NECTIN1: variants seen among roughly 807,000 people sequenced by gnomAD.
The protein encoded by NECTIN1 is nectin-1.
Under a neutral mutation model 48.0 loss-of-function variants are expected in NECTIN1, and 23 were observed. The observed-to-expected ratio is 0.48, with a 90% confidence interval of 0.34 to 0.68. The LOEUF is 0.68. Among genes scored for constraint, NECTIN1 ranks in the 30% least tolerant of loss-of-function variants. The pLI is 0.01. For synonymous variants in NECTIN1, 270 were observed against 288.9 expected (o/e 0.93, Z 0.66); for missense variants, 591 against 709.9 (o/e 0.83, Z 1.90).
At chr11:119,666,725 G>A (rs1864777002) in intron 5 of NECTIN1, among the ~76,000 whole-genome samples, 1 of 152,236 alleles carries the variant, frequency 6.6e-6, no homozygotes, top group Non-Finnish European at 1.5e-5. Context: ...ACTGCTGCCA[G>A]CTCACTCTCT....
chr11:119,670,239 T>C (rs986124163), intron 5 of NECTIN1, among the ~76,000 whole-genome samples: 4 of 152,098 alleles, frequency 2.6e-5, no homozygotes, highest in African/African-American at 9.7e-5. Flanking sequence ...GGATTACAGG[T>C]GTGAGCCACC....
In NECTIN1 at chr11:119,727,441, AC is replaced by A. The variant is rs1167754818; in HGVS notation, c.79+1033del. Among the ~76,000 whole-genome samples, 1 of 151,764 alleles carries A rather than the reference AC, an allele frequency of 6.6e-6. No homozygotes were observed. Among genetic ancestry groups the A allele is most frequent in the Non-Finnish European group, 1.5e-5 (1 of 67,946 alleles). ...GAGCTGCAGGTCGTCTCTGGTTTCT[AC>A]CCAGAGAGCTGGAGGAACTCCCCAC... On this transcript the variant is annotated intron_variant, in intron 1 of 5. Coordinates refer to ENST00000264025, the MANE Select transcript of NECTIN1 (RefSeq NM_002855.5). This position sits in a 1 kb window ranked among gnomAD's most constrained non-coding sequence, Gnocchi z 4.1.
At chr11:119,655,543 C>T (rs566558005) in intron 5 of NECTIN1, among the ~76,000 whole-genome samples, 4 of 152,224 alleles carry the variant, frequency 2.6e-5, no homozygotes, top group East Asian at 3.9e-4. Context: ...CAGGTTTGCC[C>T]GACTCTGAAG....
intron 5 of NECTIN1, among the ~76,000 whole-genome samples, chr11:119,666,527 A>C (rs533014267): frequency 4.6e-5 from 7 of 152,370 alleles, no homozygotes; most frequent in African/African-American, 1.4e-4. Flanking sequence ...AGAGGCCCTA[A>C]GGTGAGGCTA....
In NECTIN1 at chr11:119,663,722, C is replaced by G; in HGVS notation, c.*1025G>C. Reference sequence around the variant, plus strand: ...AAGTGTTGCTAGATAAGGGAGAAATCAGAGAAACCTCCACGCTGTAAGAAG... The same window carrying G: ...AAGTGTTGCTAGATAAGGGAGAAATGAGAGAAACCTCCACGCTGTAAGAAG... On this transcript the variant is annotated 3_prime_UTR_variant, in exon 6 of 6. Coordinates refer to ENST00000264025, the MANE Select transcript of NECTIN1 (RefSeq NM_002855.5). 1 of 985,498 alleles carries G rather than the reference C, an allele frequency of 1.0e-6. No homozygotes were observed. Among genetic ancestry groups the G allele is most frequent in the Non-Finnish European group, 1.2e-6 (1 of 829,954 alleles). The allele number at this position is 985,498 out of a possible 1,614,324, so 61.0% of individuals were successfully genotyped here.
intron 5 of NECTIN1, chr11:119,640,186 T>TGGA: frequency 1.5e-6 from 1 of 687,550 alleles, no homozygotes. Flanking sequence ...CGGTGTGGGA[T>TGGA]GGAGGCTCCT....
chr11:119,638,691 C>T (rs767466739), intron 7 of NECTIN1: 10 of 1,571,128 alleles, frequency 6.4e-6, no homozygotes, highest in Admixed American at 3.4e-5. Context: ...TCTCCCTCCC[C>T]GCAGTCCAGG....
At chr11:119,685,365 G>C (rs1279923783) in intron 1 of NECTIN1, among the ~76,000 whole-genome samples, 1 of 152,258 alleles carries the variant, frequency 6.6e-6, no homozygotes, top group Non-Finnish European at 1.5e-5. Flanking sequence ...CACAGTGCGT[G>C]GGAGAGGAGG....
In NECTIN1 at chr11:119,707,109, G is replaced by A. The variant is rs193230150; in HGVS notation, c.79+21366C>T. Reference sequence around the variant, plus strand: ...CTGCTGGCTTGGGTGGACAGGGAAAGGCCGTTTCATCCTTAAGTGACCCTT... The same window carrying A: ...CTGCTGGCTTGGGTGGACAGGGAAAAGCCGTTTCATCCTTAAGTGACCCTT... On this transcript the variant is annotated intron_variant, in intron 1 of 5. Transcript: ENST00000264025. Among the ~76,000 whole-genome samples, 1,419 of 152,262 alleles carry A rather than the reference G, an allele frequency of 9.3e-3. 16 individuals are homozygous for A. The highest frequency in any genetic ancestry group is 0.014 in the Middle Eastern group (4 of 294).
rs1864658566 is a variant in NECTIN1 at position 119,661,272 on chromosome 11, A to G, written c.*3475T>C. The G allele has an allele frequency of 2.7e-5, 27 of 985,776 alleles. No individual in the cohort carries two copies. Among genetic ancestry groups the G allele is most frequent in the Non-Finnish European group, 3.3e-5 (27 of 829,954 alleles). The allele number at this position is 985,776 out of a possible 1,614,324, so 61.1% of individuals were successfully genotyped here. On this transcript the variant is annotated 3_prime_UTR_variant, in exon 6 of 6. Transcript: ENST00000264025. ...ACCAATTTTTTCGACCAAGAATCCC[A>G]TTCCTCACAGCAGGGGTCAGAAGAG...
At position 119,683,223 on chromosome 11, in the gene NECTIN1, G is replaced by A. The variant is rs969661715; in HGVS notation, c.80-4458C>T. On this transcript the variant is annotated intron_variant, in intron 1 of 5. Coordinates refer to ENST00000264025, the MANE Select transcript of NECTIN1 (RefSeq NM_002855.5). The surrounding 1 kb of genome is among the most constrained non-coding windows in gnomAD (Gnocchi z 4.0). ...TACATGAGAAGCAGAGGCTGGCCCA[G>A]ATGTGGGAACTGGGACCACTAAAAT... Among the ~76,000 whole-genome samples the A allele has an allele frequency of 1.3e-5, 2 of 152,212 alleles. No homozygotes were observed. The highest frequency in any genetic ancestry group is 2.4e-5 in the African/African-American group (1 of 41,448).
At chr11:119,642,436 A>G (rs970070027) in intron 5 of NECTIN1, 3 of 153,016 alleles carry the variant, frequency 2.0e-5, no homozygotes, top group Non-Finnish European at 4.4e-5. Flanking sequence ...TTGGCCCCAC[A>G]TGGAATCCGA....
In NECTIN1 at chr11:119,723,275, A is replaced by T. The variant is rs566332838; in HGVS notation, c.79+5200T>A. The stretch of plus-strand genomic sequence containing the variant: ...TGAGGCCTGTAAAGTGACTTGACCA[A>T]GGTCACTCAGCTAGTAATTGGTAGA... On this transcript the variant is annotated intron_variant, in intron 1 of 5. Coordinates refer to ENST00000264025, the MANE Select transcript of NECTIN1 (RefSeq NM_002855.5). Among the ~76,000 whole-genome samples the T allele has an allele frequency of 9.2e-5, 14 of 151,948 alleles. No homozygotes were observed. In the South Asian group the frequency reaches 2.9e-3, roughly 32 times the overall value.
At chr11:119,652,039 T>A (rs1035171989) in intron 5 of NECTIN1, among the ~76,000 whole-genome samples, 53 of 152,062 alleles carry the variant, frequency 3.5e-4, no homozygotes, top group Admixed American at 3.1e-3. Flanking sequence ...GCCAGCATAT[T>A]ACCTCCCTCC....
At chr11:119,698,617 G>A (rs1387362477) in intron 1 of NECTIN1, among the ~76,000 whole-genome samples, 1 of 152,198 alleles carries the variant, frequency 6.6e-6, no homozygotes, top group East Asian at 1.9e-4. Context: ...CAGACCTGGG[G>A]CTGGGCTCTT....
intron 6 of NECTIN1, among the ~76,000 whole-genome samples, chr11:119,639,132 G>A (rs1218758308): frequency 1.3e-5 from 2 of 152,192 alleles, no homozygotes; most frequent in African/African-American, 2.4e-5. Context: ...CCCTCACCCA[G>A]GGCGGGCATG....
At position 119,677,127 on chromosome 11, in the gene NECTIN1, G is replaced by A. The variant is rs1864965724; in HGVS notation, c.826C>T (p.Pro276Ser). 1.2e-6 allele frequency: 2 copies of A among 1,614,118 alleles called. No homozygotes were observed. The highest frequency in any genetic ancestry group is 1.7e-6 in the Non-Finnish European group (2 of 1,180,006). The change falls in exon 4 of 6, where the codon CCA becomes TCA. Residue 276 changes from proline to serine, a missense_variant. By Grantham distance (74) the Pro-to-Ser change is moderately conservative. Coordinates refer to ENST00000264025, the MANE Select transcript of NECTIN1 (RefSeq NM_002855.5). This position sits in a 1 kb window ranked among gnomAD's most constrained non-coding sequence, Gnocchi z 5.4. ...GTGGTCCAGTGGTACTCAGTGGCTG[G>A]GGGGTTAGCATCAGCTTTGCAGGTG... ...KLTCKADANP[P>S]ATEYHWTTLN... is the part of the protein sequence containing the mutation.
intron 1 of NECTIN1, among the ~76,000 whole-genome samples, chr11:119,685,299 T>C (rs1187317897): frequency 6.6e-6 from 1 of 152,172 alleles, no homozygotes; most frequent in African/African-American, 2.4e-5. Context: ...ACTCCCCACA[T>C]GGAGCTGTTT....
At chr11:119,703,342 A>G (rs1238380872) in intron 1 of NECTIN1, among the ~76,000 whole-genome samples, 1 of 152,238 alleles carries the variant, frequency 6.6e-6, no homozygotes, top group Non-Finnish European at 1.5e-5. Flanking sequence ...GCTGGCACCA[A>G]CGGGACAGAT....
Sources: gnomAD v4.1 joint callset for allele counts (sites outside exome capture counted in the v4.1 genomes callset) on GRCh38, gnomAD v4.1.1 for gene constraint, Gnocchi (gnomAD v3.1) non-coding constraint, MANE v1.5 for transcripts, NCBI Gene and HGNC (gene_info 2026-07-23, HGNC 2026-07-21) for gene names.